The following SEMA3A variants were observed in gnomAD, a reference collection of about 807,000 sequenced individuals.
SEMA3A encodes semaphorin-3A.
A neutral mutation model predicts 97.9 loss-of-function variants in SEMA3A; 29 were observed. The ratio of observed to expected loss-of-function variants is 0.30; its 90% CI spans 0.22 to 0.40. SEMA3A has a LOEUF of 0.40. SEMA3A is among the 10% of genes least tolerant of loss of function. SEMA3A has a pLI of 1.00. For synonymous variants in SEMA3A, 321 were observed against 323.7 expected, an observed-to-expected ratio of 0.99 and a Z score of 0.09; for missense variants, 763 against 951.3, an observed-to-expected ratio of 0.80 and a Z score of 2.60.
chr7:84,486,048 A>G (rs1806566751), intron 1 of SEMA3A, among the ~76,000 whole-genome samples: 1 of 152,360 alleles, frequency 6.6e-6, no homozygotes, highest in South Asian at 2.1e-4. Flanking sequence ...ATCATTAAAC[A>G]TATTTTAATC....
chr7:84,218,421 T>G (rs1213215044), intron 3 of SEMA3A, among the ~76,000 whole-genome samples: 1 of 152,134 alleles, frequency 6.6e-6, no homozygotes, highest in East Asian at 1.9e-4. Flanking sequence ...ATCTTCTGCA[T>G]TCGGATAGAT....
chr7:84,384,821 T>A (rs1449372557), intron 1 of SEMA3A, among the ~76,000 whole-genome samples: 1 of 152,200 alleles, frequency 6.6e-6, no homozygotes, highest in Non-Finnish European at 1.5e-5. Context: ...AGAGGAATAA[T>A]GTAATATTTA....
intron 4 of SEMA3A, among the ~76,000 whole-genome samples, chr7:84,091,565 G>T (rs975893925): frequency 3.3e-5 from 5 of 152,082 alleles, no homozygotes; most frequent in African/African-American, 4.8e-5. Context: ...CTATTCAGCC[G>T]AGTGCTTTAC....
rs141713074 is a variant in SEMA3A, at chr7:84,249,368, C to CT, written c.-82-54701_-82-54700insA. Reference sequence around the variant, plus strand: ...AGTCTCTCTCTCTCTCTCTGTCTATCATCTATCTATCTATCTATCTATCTA... The same window carrying CT: ...AGTCTCTCTCTCTCTCTCTGTCTATCTATCTATCTATCTATCTATCTATCTA... On this transcript the variant is annotated intron_variant, in intron 3 of 3. Transcript: ENST00000424555. Among the ~76,000 whole-genome samples the CT allele has an allele frequency of 1.3e-3, 185 of 143,232 alleles. 1 individual carries two copies. Among genetic ancestry groups the CT allele is most frequent in the African/African-American group, 4.6e-3 (176 of 38,564 alleles). 94.0% of individuals were successfully genotyped at this position (143,232 alleles called of 152,430 possible). A position where few individuals can be genotyped will look rare whatever the true frequency, so the allele number is the denominator to read the frequency against.
intron 1 of SEMA3A, among the ~76,000 whole-genome samples, chr7:84,385,718 G>A (rs1009928944): frequency 6.6e-6 from 1 of 152,078 alleles, no homozygotes; most frequent in Non-Finnish European, 1.5e-5. Context: ...TACCATGTCC[G>A]TAACCTATTT....
chr7:84,439,477 T>C (rs1017193667), intron 1 of SEMA3A, among the ~76,000 whole-genome samples: 8 of 152,206 alleles, frequency 5.3e-5, no homozygotes, highest in African/African-American at 1.9e-4. Flanking sequence ...CTATTAAGCA[T>C]AAGCAAGGCA....
At chr7:84,450,001 T>C (rs1230455971) in intron 1 of SEMA3A, among the ~76,000 whole-genome samples, 1 of 152,214 alleles carries the variant, frequency 6.6e-6, no homozygotes, top group African/African-American at 2.4e-5. Context: ...GTTTGGGTTG[T>C]TTCCACATCT....
At chr7:84,002,096 A>G in intron 11 of SEMA3A, 50 bp from the exon 12 acceptor site, 1 of 1,038,772 alleles carries the variant, frequency 9.6e-7, no homozygotes, top group Non-Finnish European at 1.5e-6. Flanking sequence ...ATCTGAACAG[A>G]GATTAGTGTT....
Position 84,205,498 on chromosome 7 carries a change from A to T in SEMA3A, c.-82-10830T>A, listed in dbSNP as rs188174335. ...GATCTGCAAATAGACACTGACAAAA[A>T]TATCATTTAAATTCATAAGATGAAT... On this transcript the variant is annotated intron_variant, in intron 3 of 3. Transcript: ENST00000424555. Among the ~76,000 whole-genome samples the T allele has an allele frequency of 4.3e-3, 661 of 152,346 alleles. 5 individuals carry two copies. The highest frequency in any genetic ancestry group is 0.015 in the African/African-American group (623 of 41,586).
chr7:84,204,145 T>A (rs1798429328), intron 3 of SEMA3A, among the ~76,000 whole-genome samples: 1 of 152,112 alleles, frequency 6.6e-6, no homozygotes, highest in Admixed American at 6.5e-5. Context: ...ATGTGTAGTG[T>A]CTCCCAATGG....
At chr7:84,264,577 A>G (rs183337472) in intron 3 of SEMA3A, among the ~76,000 whole-genome samples, 28 of 152,332 alleles carry the variant, frequency 1.8e-4, no homozygotes, top group African/African-American at 6.7e-4. Context: ...GCATTCATGT[A>G]TGCAGATCTG....
intron 1 of SEMA3A, among the ~76,000 whole-genome samples, chr7:84,492,143 A>C (rs1255833243): frequency 1.3e-5 from 2 of 152,132 alleles, no homozygotes; most frequent in Non-Finnish European, 2.9e-5. Flanking sequence ...ACTTGCAACC[A>C]TCATTTTTGA....
chr7:84,403,955 A>G (rs1328894977), intron 1 of SEMA3A, among the ~76,000 whole-genome samples: 1 of 152,198 alleles, frequency 6.6e-6, no homozygotes, highest in East Asian at 1.9e-4. Context: ...AAAACAAAGC[A>G]GAAAAACCGG....
intron 3 of SEMA3A, among the ~76,000 whole-genome samples, chr7:84,201,598 A>G (rs76058845): frequency 0.034 from 5,140 of 152,160 alleles, 285 homozygotes; most frequent in African/African-American, 0.12. Context: ...AGGAGATTAG[A>G]AAATGCCTTG....
At chr7:84,038,167 C>T (rs1409868418) in intron 6 of SEMA3A, among the ~76,000 whole-genome samples, 1 of 152,044 alleles carries the variant, frequency 6.6e-6, no homozygotes, top group Non-Finnish European at 1.5e-5. Flanking sequence ...TCAAAATGAG[C>T]AGACACCATT....
intron 3 of SEMA3A, among the ~76,000 whole-genome samples, chr7:84,114,743 C>T (rs1186898999): frequency 6.6e-6 from 1 of 152,050 alleles, no homozygotes; most frequent in Non-Finnish European, 1.5e-5. Flanking sequence ...TTAAGCTTTT[C>T]CACACTTATC....
chr7:84,268,614 C>G (rs1469951101), intron 3 of SEMA3A, among the ~76,000 whole-genome samples: 1 of 152,004 alleles, frequency 6.6e-6, no homozygotes, highest in African/African-American at 2.4e-5. Flanking sequence ...ACGTTCCTAG[C>G]AAGGGAGGGA....
At chr7:84,144,489 A>T (rs565486331) in intron 1 of SEMA3A, among the ~76,000 whole-genome samples, 2 of 152,302 alleles carry the variant, frequency 1.3e-5, no homozygotes, top group South Asian at 4.1e-4. Context: ...AATAGATTGA[A>T]TCTACAGATC....
chr7:84,160,990 C>T (rs1797013476), intron 1 of SEMA3A, among the ~76,000 whole-genome samples: 1 of 152,118 alleles, frequency 6.6e-6, no homozygotes. Context: ...TTTCTGTGAG[C>T]CTCAACAGGC....
Sources: allele counts gnomAD v4.1 joint callset (sites outside exome capture counted in the v4.1 genomes callset), GRCh38; gene constraint gnomAD v4.1.1; transcripts MANE v1.5; gene names NCBI Gene and HGNC (gene_info 2026-07-23, HGNC 2026-07-21).